ATP13A5: variants seen among roughly 807,000 people sequenced by gnomAD.
ATP13A5 encodes probable cation-transporting ATPase 13A5.
ATP13A5 carries 149 observed loss-of-function variants against 150.2 expected under a neutral mutation model. The observed-to-expected ratio is 0.99, with a 90% CI of 0.87 to 1.14. The LOEUF is 1.14. ATP13A5 is among the 50% of genes most tolerant of loss of function. The pLI, the probability that ATP13A5 is intolerant of heterozygous loss-of-function variation, is 0.00. For missense variants in ATP13A5, 1,383 were observed against 1,449.3 expected, an observed-to-expected ratio of 0.95 and a Z score of 0.74; for synonymous variants, 497 against 522.2, an observed-to-expected ratio of 0.95 and a Z score of 0.66.
chr3:193,308,446 G>A (rs969075687), intron 21 of ATP13A5, among the ~76,000 whole-genome samples: 2 of 152,260 alleles, frequency 1.3e-5, no homozygotes, highest in South Asian at 4.1e-4. Context: ...GCAACAAAGC[G>A]AGACTCTGTC....
intron 24 of ATP13A5, 132 bp from the exon 25 acceptor site, chr3:193,299,335 A>C: frequency 1.6e-6 from 1 of 615,354 alleles, no homozygotes; most frequent in Admixed American, 3.5e-5. Flanking sequence ...GAAAATGACT[A>C]ACCTAAAATT....
At chr3:193,286,900 C>G (rs1717745632) in intron 26 of ATP13A5, among the ~76,000 whole-genome samples, 2 of 152,060 alleles carry the variant, frequency 1.3e-5, no homozygotes, top group Admixed American at 1.3e-4. Flanking sequence ...AGTAGGAGTT[C>G]TTGAAGAAAA....
In ATP13A5 at chr3:193,314,120, A is replaced by G; in HGVS notation, c.2232T>C (p.Ile744=). ...ATTCTTCTGGTTCATCGGCCTCAAC[A>G]ATGATCACTTGGCTGCCTGGAGGGA... ...EMIPPGSQVI[I]VEADEPEEFV... is the part of the protein sequence containing the mutation. The change falls in exon 19 of 30, where the codon ATT becomes ATC. Residue 744 remains isoleucine (I), a synonymous_variant. Coordinates refer to ENST00000342358, the MANE Select transcript of ATP13A5 (RefSeq NM_198505.4). The G allele has an allele frequency of 6.2e-7, 1 of 1,613,968 alleles. No homozygotes were observed. The highest frequency in any genetic ancestry group is 1.1e-5 in the South Asian group (1 of 91,074).
At chr3:193,360,528 A>G (rs1162473919) in intron 5 of ATP13A5, among the ~76,000 whole-genome samples, 1 of 152,212 alleles carries the variant, frequency 6.6e-6, no homozygotes, top group Non-Finnish European at 1.5e-5. Context: ...ATGAAATGAA[A>G]AAATCTTCCA....
intron 9 of ATP13A5, among the ~76,000 whole-genome samples, chr3:193,338,059 T>C (rs1711962790): frequency 6.6e-6 from 1 of 152,310 alleles, no homozygotes; most frequent in South Asian, 2.1e-4. Flanking sequence ...AGAAGAATGC[T>C]TGTGATTTGT....
intron 28 of ATP13A5, among the ~76,000 whole-genome samples, chr3:193,278,813 C>T (rs963632797): frequency 1.3e-5 from 2 of 152,146 alleles, no homozygotes; most frequent in East Asian, 1.9e-4. Flanking sequence ...ATCTATGACT[C>T]GGAGATCAGG....
At chr3:193,289,745 C>G in intron 26 of ATP13A5, 140 bp downstream of exon 26, 7 of 655,818 alleles carry the variant, frequency 1.1e-5, no homozygotes, top group Middle Eastern at 4.6e-4. Flanking sequence ...TAACTGTGTT[C>G]TGTCCCATCA....
At chr3:193,313,991 A>G in intron 19 of ATP13A5, 42 bp downstream of exon 19, 1 of 1,602,308 alleles carries the variant, frequency 6.2e-7, no homozygotes, top group Non-Finnish European at 8.5e-7. Flanking sequence ...ACTGTATTCC[A>G]TCAGTCTAGG....
chr3:193,315,465 T>C (rs1719013997), intron 17 of ATP13A5, among the ~76,000 whole-genome samples: 1 of 152,232 alleles, frequency 6.6e-6, no homozygotes, highest in Non-Finnish European at 1.5e-5. Context: ...TTATTTGGCA[T>C]TTATTAAGGG....
intron 7 of ATP13A5, 59 bp downstream of exon 7, chr3:193,351,008 T>C (rs1022324222): frequency 1.9e-6 from 3 of 1,589,302 alleles, no homozygotes; most frequent in African/African-American, 2.7e-5. Context: ...GGAAATACCA[T>C]GGGCTTTACT....
At chr3:193,367,749 A>G (rs28764916) in intron 1 of ATP13A5, among the ~76,000 whole-genome samples, 229 of 152,284 alleles carry the variant, frequency 1.5e-3, no homozygotes, top group African/African-American at 5.3e-3. Context: ...ATAGATAGAG[A>G]AAAAGACTTA....
At chr3:193,290,402 AACACT>A (rs2108827730) in intron 25 of ATP13A5, among the ~76,000 whole-genome samples, 1 of 152,264 alleles carries the variant, frequency 6.6e-6, no homozygotes, top group East Asian at 1.9e-4. Context: ...TGGGATAAGC[AACACT>A]AATATTGTGT....
intron 1 of ATP13A5, among the ~76,000 whole-genome samples, chr3:193,366,993 G>T (rs187019614): frequency 6.6e-6 from 1 of 151,918 alleles, no homozygotes; most frequent in African/African-American, 2.4e-5. Flanking sequence ...GAAATCATTC[G>T]AACTGAATGA....
intron 27 of ATP13A5, among the ~76,000 whole-genome samples, chr3:193,283,022 A>G (rs1717565367): frequency 6.6e-6 from 1 of 152,220 alleles, no homozygotes; most frequent in Admixed American, 6.5e-5. Context: ...TGGTAAATCA[A>G]GAATAGACTG....
chr3:193,356,937 T>G (rs1467722531), intron 5 of ATP13A5, among the ~76,000 whole-genome samples: 1 of 152,160 alleles, frequency 6.6e-6, no homozygotes, highest in African/African-American at 2.4e-5. Flanking sequence ...TGCCTCAGCC[T>G]CCTGAGTAGC....
At chr3:193,373,718 T>C (rs1323032259) in intron 1 of ATP13A5, among the ~76,000 whole-genome samples, 3 of 152,168 alleles carry the variant, frequency 2.0e-5, no homozygotes, top group African/African-American at 7.2e-5. Context: ...GAGCTAGTGG[T>C]ATTGTTCTTA....
chr3:193,362,419 T>C lies in ATP13A5; in HGVS notation c.498A>G (p.Thr166=). The C allele has an allele frequency of 6.2e-7, 1 of 1,614,138 alleles. No individual in the cohort carries two copies. The highest frequency in any genetic ancestry group is 2.2e-5 in the East Asian group (1 of 44,874). The part of the protein sequence containing the change: ...DSNSCSDIHQ[T]FGLGLTSEEQ... Reference sequence around the variant, plus strand: ...CTTCACTGGTCAGACCCAATCCAAATGTCTGATGGATGTCAGAGCAGGAAT... The same window carrying C: ...CTTCACTGGTCAGACCCAATCCAAACGTCTGATGGATGTCAGAGCAGGAAT... Residue 166 remains threonine, a synonymous_variant, in exon 5 of 30, where the codon ACA becomes ACG. Transcript: ENST00000342358.
intron 1 of ATP13A5, among the ~76,000 whole-genome samples, chr3:193,366,029 G>A (rs1014954465): frequency 6.6e-6 from 1 of 152,096 alleles, no homozygotes; most frequent in Non-Finnish European, 1.5e-5. Context: ...ATATCTAAAT[G>A]AGAAAGTTTT....
At chr3:193,294,581 A>G (rs1294911705) in intron 25 of ATP13A5, among the ~76,000 whole-genome samples, 1 of 152,096 alleles carries the variant, frequency 6.6e-6, no homozygotes, top group African/African-American at 2.4e-5. Flanking sequence ...GTGTATAGAT[A>G]AATAAGTAAA....
Sources: allele counts gnomAD v4.1 joint callset (sites outside exome capture counted in the v4.1 genomes callset), GRCh38; gene constraint gnomAD v4.1.1; transcripts MANE v1.5; gene names NCBI Gene and HGNC (gene_info 2026-07-23, HGNC 2026-07-21).